Variants in APBB2 observed in about 807,000 individuals in gnomAD.
APBB2 encodes amyloid beta precursor protein binding family B member 2, also known as Fe65-like 1.
Under a neutral mutation model 82.5 loss-of-function variants are expected in APBB2, and 38 were observed. The observed-to-expected ratio is 0.46, with a 90% CI of 0.36 to 0.60. The LOEUF is 0.60. Among genes scored for constraint, APBB2 ranks in the 20% least tolerant of loss-of-function variants. APBB2 has a pLI of 0.00. For synonymous variants in APBB2, 341 were observed against 368.2 expected (o/e 0.93, Z 0.85); for missense variants, 772 against 972.3 (o/e 0.79, Z 2.74).
intron 4 of APBB2, among the ~76,000 whole-genome samples, chr4:41,037,268 C>T (rs2341574): frequency 0.046 from 6,958 of 152,022 alleles, 340 homozygotes; most frequent in African/African-American, 0.12. Flanking sequence ...GTAAAATGCA[C>T]GCTGATTGTG....
intron 1 of APBB2, among the ~76,000 whole-genome samples, chr4:41,165,135 G>A (rs1373712384): frequency 6.6e-6 from 1 of 152,192 alleles, no homozygotes; most frequent in African/African-American, 2.4e-5. Context: ...TGTCCGCAAG[G>A]CACCCATGTG....
Position 41,168,437 on chromosome 4 carries a change from G to C in APBB2, c.-416-25295C>G, listed in dbSNP as rs185203848. Among the ~76,000 whole-genome samples, 1,451 of 151,896 alleles carry C rather than the reference G, an allele frequency of 9.6e-3. 32 individuals carry two copies. The highest frequency in any genetic ancestry group is 0.034 in the African/African-American group (1,396 of 41,444). On this transcript the variant is annotated intron_variant, in intron 1 of 17. Transcript: ENST00000508593. ...CTCTGTCACCCAGGCTGGAGTGCAA[G>C]TGGCGATTCTCCTGCCTCAGCATCC... is the stretch of plus-strand genomic sequence containing the variant.
chr4:41,121,911 A>G (rs1215013045), intron 2 of APBB2, among the ~76,000 whole-genome samples: 1 of 150,592 alleles, frequency 6.6e-6, no homozygotes, highest in Admixed American at 6.6e-5. Flanking sequence ...GTGTGTGTGT[A>G]TGTGTGTATG....
intron 1 of APBB2, among the ~76,000 whole-genome samples, chr4:41,195,988 G>A: frequency 1.9e-4 from 29 of 151,930 alleles, no homozygotes; most frequent in African/African-American, 4.8e-4. Context: ...GTGAAACCCC[G>A]TCTCTACCGA....
intron 10 of APBB2, among the ~76,000 whole-genome samples, chr4:40,919,701 A>G (rs147218268): frequency 3.3e-4 from 50 of 152,330 alleles, no homozygotes; most frequent in Admixed American, 7.2e-4. Context: ...GACCCATTAC[A>G]TGAAAATATT....
chr4:40,889,161 AG>A (rs1341583630), intron 12 of APBB2, among the ~76,000 whole-genome samples: 4 of 152,236 alleles, frequency 2.6e-5, no homozygotes, highest in Admixed American at 2.0e-4. Flanking sequence ...CTGTGCTCCC[AG>A]GAAGGCTTAT....
intron 12 of APBB2, among the ~76,000 whole-genome samples, chr4:40,863,542 A>G (rs1763293838): frequency 6.6e-6 from 1 of 152,124 alleles, no homozygotes. Flanking sequence ...AATCATCTAA[A>G]CCATGATCAC....
intron 1 of APBB2, among the ~76,000 whole-genome samples, chr4:41,208,437 T>C (rs1778503228): frequency 6.6e-6 from 1 of 152,172 alleles, no homozygotes; most frequent in South Asian, 2.1e-4. Context: ...AATTTTTGTA[T>C]TTTTAGCAGA....
intron 4 of APBB2, among the ~76,000 whole-genome samples, chr4:41,044,431 C>T (rs1381581168): frequency 2.0e-5 from 3 of 152,144 alleles, no homozygotes; most frequent in African/African-American, 7.2e-5. Context: ...TTCCTTGTTA[C>T]CTATTTATTA....
intron 1 of APBB2, among the ~76,000 whole-genome samples, chr4:41,191,474 G>A (rs1774418553): frequency 6.6e-6 from 1 of 152,126 alleles, no homozygotes; most frequent in Admixed American, 6.5e-5. Context: ...TGGTTCTATA[G>A]AGTCAACTAA....
intron 3 of APBB2, among the ~76,000 whole-genome samples, chr4:41,068,164 C>T (rs1732581575): frequency 6.6e-6 from 1 of 152,160 alleles, no homozygotes; most frequent in Non-Finnish European, 1.5e-5. Flanking sequence ...GCCCTATCTA[C>T]CTATACTATG....
At position 40,827,182 on chromosome 4, in the gene APBB2, C is replaced by A. The variant is rs1286690396; in HGVS notation, c.1682G>T (p.Cys561Phe). The change falls in exon 14 of 18, where the codon TGC becomes TTC. Residue 561 changes from cysteine to phenylalanine, a missense_variant. Coordinates refer to ENST00000508593, the MANE Select transcript of APBB2 (RefSeq NM_004307.2). The stretch of plus-strand genomic sequence containing the variant: ...ATTGGCCCTTTCCTGTAAGGAGCTG[C>A]AGGCCAGCGCTTTGGCATTCTTCCG... ...AERKNAKALA[C>F]SSLQERANVN... is the part of the protein sequence containing the mutation. 6.2e-7 allele frequency: 1 copy of A among 1,614,190 alleles called. No homozygotes were observed. Among genetic ancestry groups the A allele is most frequent in the East Asian group, 2.2e-5 (1 of 44,878 alleles).
At chr4:41,040,243 T>G (rs536371705) in intron 4 of APBB2, among the ~76,000 whole-genome samples, 1 of 152,168 alleles carries the variant, frequency 6.6e-6, no homozygotes, top group African/African-American at 2.4e-5. Flanking sequence ...AAAGTAGACA[T>G]TGCATTCCAG....
intron 6 of APBB2, among the ~76,000 whole-genome samples, chr4:40,947,023 A>T (rs932296987): frequency 1.3e-5 from 2 of 152,246 alleles, no homozygotes; most frequent in Non-Finnish European, 2.9e-5. Context: ...CCCTGTCCCC[A>T]CAGGGAGTGA....
At chr4:41,025,944 CAAAA>C (rs71198626) in intron 5 of APBB2, among the ~76,000 whole-genome samples, 1 of 68,274 alleles carries the variant, frequency 1.5e-5, no homozygotes, top group Non-Finnish European at 2.9e-5. Flanking sequence ...TCCATCTCCA[CAAAA>C]AAAAAAAAAA....
At chr4:41,108,644 C>T (rs1748093136) in intron 2 of APBB2, among the ~76,000 whole-genome samples, 1 of 152,188 alleles carries the variant, frequency 6.6e-6, no homozygotes, top group Admixed American at 6.5e-5. Flanking sequence ...TCCAGATTTA[C>T]ACTGACCAAA....
At chr4:41,103,856 G>A (rs117240339) in intron 2 of APBB2, among the ~76,000 whole-genome samples, 3 of 152,246 alleles carry the variant, frequency 2.0e-5, no homozygotes, top group East Asian at 3.9e-4. Flanking sequence ...CCAGTCATGC[G>A]GCTGGACCTC....
At chr4:40,839,733 C>G (rs180831482) in intron 12 of APBB2, among the ~76,000 whole-genome samples, 3 of 151,510 alleles carry the variant, frequency 2.0e-5, no homozygotes, top group Non-Finnish European at 4.4e-5. Flanking sequence ...GGTGCCATCT[C>G]GGCTCACTGC....
intron 6 of APBB2, among the ~76,000 whole-genome samples, chr4:40,973,541 T>A (rs1426462676): frequency 6.6e-6 from 1 of 152,192 alleles, no homozygotes; most frequent in African/African-American, 2.4e-5. Flanking sequence ...AGAAATGTAT[T>A]ACAGTTGTAT....
Sources: gnomAD v4.1 joint callset for allele counts (sites outside exome capture counted in the v4.1 genomes callset) on GRCh38, gnomAD v4.1.1 for gene constraint, MANE v1.5 for transcripts, NCBI Gene and HGNC (gene_info 2026-07-23, HGNC 2026-07-21) for gene names.